WBP4: variants seen among roughly 807,000 people sequenced by gnomAD.
WBP4 encodes the protein WW domain-binding protein 4.
Under a neutral mutation model 55.4 loss-of-function variants are expected in WBP4, and 37 were observed. The ratio of observed to expected loss-of-function variants is 0.67; its 90% CI spans 0.51 to 0.88. The LOEUF (loss-of-function observed/expected upper bound fraction) is 0.88, where lower values mean the gene tolerates loss of function less well. WBP4 is among the 40% of genes least tolerant of loss of function. The probability of loss-of-function intolerance (pLI) is 0.00; values close to 1 mark genes in which losing one functional copy is unlikely to be tolerated. For missense variants in WBP4, 398 were observed against 420.8 expected (o/e 0.95, Z 0.47); for synonymous variants, 142 against 140.2 (o/e 1.01, Z -0.09).
At chr13:41,078,983 T>C (rs941294270) in intron 8 of WBP4, among the ~76,000 whole-genome samples, 2 of 152,104 alleles carry the variant, frequency 1.3e-5, no homozygotes, top group Non-Finnish European at 1.5e-5. Context: ...TTAAAAAGCT[T>C]ATGCACAGCA....
Position 41,071,687 on chromosome 13 carries a change from C to T in WBP4, c.486+114C>T, listed in dbSNP as rs1398668478. On this transcript the variant is annotated intron_variant, in intron 6 of 9. Transcript: ENST00000379487. ...ATTTACAAATACTCCACTCCCTCCA[C>T]CCCCAAACTGTGTCCTTTTTTTTCC... is the stretch of plus-strand genomic sequence containing the variant. The T allele has an allele frequency of 6.6e-6, 6 of 907,016 alleles. No homozygotes were observed. In the African/African-American group the frequency reaches 6.7e-5, roughly 10 times the overall value. The allele number at this position is 907,016 out of a possible 1,614,324, so 56.2% of individuals were successfully genotyped here.
intron 1 of WBP4, 124 bp downstream of exon 1, chr13:41,061,799 T>G: frequency 6.7e-7 from 1 of 1,499,038 alleles, no homozygotes; most frequent in Admixed American, 1.9e-5. Flanking sequence ...CGTTCTTAAC[T>G]CGCTCGGGAC....
rs761001492 is a variant in WBP4, at chr13:41,065,040, A to C, written c.100A>C (p.Lys34Gln). The C allele has an allele frequency of 2.0e-5, 32 of 1,590,956 alleles. No homozygotes were observed. In the South Asian group the frequency reaches 3.8e-4, roughly 19 times the overall value. Residue 34 changes from lysine to glutamine, a missense_variant, in exon 3 of 10, where the codon AAG becomes CAG. Transcript: ENST00000379487. ...GAGTGTTGAATTTCATGAAAGAGGA[A>C]AGAATCATAAGGAAAATGTGGCAAA... is the stretch of plus-strand genomic sequence containing the variant. ...RPSVEFHERG[K>Q]NHKENVAKRI... is the part of the protein sequence containing the mutation.
At chr13:41,074,918 C>G (rs1404617689) in intron 7 of WBP4, among the ~76,000 whole-genome samples, 2 of 151,984 alleles carry the variant, frequency 1.3e-5, no homozygotes. Context: ...TCGCTTGAAC[C>G]GGGGAGGTGG....
chr13:41,061,712 G>C, intron 1 of WBP4, 37 bp downstream of exon 1: 1 of 1,613,564 alleles, frequency 6.2e-7, no homozygotes, highest in Admixed American at 1.7e-5. Flanking sequence ...ACGAGGTGTT[G>C]TTTCTCTGGG....
intron 4 of WBP4, among the ~76,000 whole-genome samples, chr13:41,065,886 C>A (rs1245238013): frequency 6.6e-6 from 1 of 152,126 alleles, no homozygotes; most frequent in South Asian, 2.1e-4. Context: ...ATATCAAATC[C>A]GTTTTCCTTA....
At chr13:41,080,456 A>G (rs1382994022) in intron 8 of WBP4, among the ~76,000 whole-genome samples, 190 bp from the exon 9 acceptor site, 2 of 152,200 alleles carry the variant, frequency 1.3e-5, no homozygotes, top group Non-Finnish European at 2.9e-5. Context: ...GTCATGGTAT[A>G]TCAACATTTC....
In WBP4 at chr13:41,075,286, G is replaced by GC. The variant is rs200689123; in HGVS notation, c.563-751dup. Among the ~76,000 whole-genome samples the GC allele has an allele frequency of 5.5e-3, 843 of 152,016 alleles. 8 individuals are homozygous for GC. The highest frequency in any genetic ancestry group is 0.02 in the East Asian group (104 of 5,186). On this transcript the variant is annotated intron_variant, in intron 7 of 9. Transcript: ENST00000379487. ...TCAGTCAATTGAGATTCCCATTGCT[G>GC]CCCCCCCACCCACCAAACCACCATA...
chr13:41,068,061 T>G (rs1016512379), intron 4 of WBP4, among the ~76,000 whole-genome samples: 1 of 152,156 alleles, frequency 6.6e-6, no homozygotes, highest in African/African-American at 2.4e-5. Context: ...AATATATATA[T>G]AGATGTAGGG....
rs58699334 is a variant in WBP4, at chr13:41,065,289, TAAAAAAAAAA to T, written c.262+14_262+23del. On this transcript the variant is annotated splice_donor_5th_base_variant and intron_variant, in intron 4 of 9. Coordinates refer to ENST00000379487, the MANE Select transcript of WBP4 (RefSeq NM_007187.5). ...TGAAAAGACTTGGCTTAGAGTCAGGTAAAAAAAAAAAAAAAAAAAAAGCAGCCAGCATGTT... is the reference window on the plus strand; with the variant it reads ...TGAAAAGACTTGGCTTAGAGTCAGGTAAAAAAAAAAAGCAGCCAGCATGTT... The T allele has an allele frequency of 7.1e-6, 9 of 1,262,570 alleles. No individual in the cohort carries two copies. The highest frequency in any genetic ancestry group is 1.8e-5 in the South Asian group (1 of 55,736). 78.2% of individuals were successfully genotyped at this position (1,262,570 alleles called of 1,614,324 possible).
At chr13:41,069,904 T>C (rs1593427993) in intron 5 of WBP4, among the ~76,000 whole-genome samples, 1 of 148,838 alleles carries the variant, frequency 6.7e-6, no homozygotes, top group Non-Finnish European at 1.5e-5. Context: ...AAAAAAAAAA[T>C]ACACAGTGTC....
At chr13:41,064,723 C>T (rs1426985652) in intron 2 of WBP4, among the ~76,000 whole-genome samples, 1 of 152,054 alleles carries the variant, frequency 6.6e-6, no homozygotes, top group Non-Finnish European at 1.5e-5. Context: ...TCATTACAAT[C>T]ATAGTCACTA....
rs879049274 is a variant in WBP4 at position 41,068,493 on chromosome 13, G to A, written c.263-68G>A. On this transcript the variant is annotated intron_variant, in intron 4 of 9. Coordinates refer to ENST00000379487, the MANE Select transcript of WBP4 (RefSeq NM_007187.5). ...GGTTTTTGATTGGAATAACATTAAT[G>A]TTTTATGCCAGCAACCATAAAAAAT... 1.9e-5 allele frequency: 26 copies of A among 1,401,948 alleles called. No homozygotes were observed. The South Asian group carries it at 4.1e-4, about 22-fold the overall frequency. The allele number at this position is 1,401,948 out of a possible 1,614,324, so 86.8% of individuals were successfully genotyped here. A position where few individuals can be genotyped will look rare whatever the true frequency, so the allele number is the denominator to read the frequency against.
intron 4 of WBP4, 138 bp from the exon 5 acceptor site, chr13:41,068,423 A>G (rs943275341): frequency 1.7e-5 from 13 of 758,110 alleles, no homozygotes; most frequent in Non-Finnish European, 2.2e-5. Context: ...ATTTTTCCGA[A>G]TGAACTTTAT....
At chr13:41,070,966 A>G (rs1566210759) in intron 5 of WBP4, among the ~76,000 whole-genome samples, 1 of 152,198 alleles carries the variant, frequency 6.6e-6, no homozygotes, top group Non-Finnish European at 1.5e-5. Flanking sequence ...TGACATGCAT[A>G]TTGTAGTTTA....
Position 41,083,652 on chromosome 13 carries a change from T to C in WBP4, c.*738T>C. The C allele has an allele frequency of 6.6e-6, 1 of 152,244 alleles. No homozygotes were observed. The highest frequency in any genetic ancestry group is 1.9e-4 in the East Asian group (1 of 5,200). 9.4% of individuals were successfully genotyped at this position (152,244 alleles called of 1,614,324 possible). On this transcript the variant is annotated 3_prime_UTR_variant, in exon 10 of 10. Coordinates refer to ENST00000379487, the MANE Select transcript of WBP4 (RefSeq NM_007187.5). ...CTAGCATATGCCTTTTTTCCCCCAGTCATGCACTCTTTTTAGCAGTCTTAT... is the reference window on the plus strand; with the variant it reads ...CTAGCATATGCCTTTTTTCCCCCAGCCATGCACTCTTTTTAGCAGTCTTAT...
At chr13:41,072,016 A>G (rs1425275827) in intron 6 of WBP4, among the ~76,000 whole-genome samples, 1 of 149,490 alleles carries the variant, frequency 6.7e-6, no homozygotes, top group African/African-American at 2.5e-5. Flanking sequence ...ACCGCACTCC[A>G]GCCTGGATAA....
At chr13:41,073,300 G>A (rs185378964) in intron 7 of WBP4, among the ~76,000 whole-genome samples, 144 of 152,162 alleles carry the variant, frequency 9.5e-4, no homozygotes, top group Middle Eastern at 3.4e-3. Context: ...GATCACCTGA[G>A]GTCAGGAGTT....
Position 41,069,727 on chromosome 13 carries a change from AAGT to A in WBP4, c.439+993_439+995del, listed in dbSNP as rs1878146631. 2.0e-5 allele frequency among the ~76,000 whole-genome samples: 3 copies of A among 149,978 alleles called. No homozygotes were observed. In the South Asian group the frequency reaches 6.3e-4, roughly 32 times the overall value. On this transcript the variant is annotated intron_variant, in intron 5 of 9. Transcript: ENST00000379487. The stretch of plus-strand genomic sequence containing the variant: ...CCTCAAAAAAAAAAAAAAAAAAAAA[AAGT>A]AGCCAAGCGAGGTGGCTCATGCCTG...
Sources: gnomAD v4.1 joint callset for allele counts (sites outside exome capture counted in the v4.1 genomes callset) on GRCh38, gnomAD v4.1.1 for gene constraint, MANE v1.5 for transcripts, NCBI Gene and HGNC (gene_info 2026-07-23, HGNC 2026-07-21) for gene names.